TNS1: variants seen among roughly 807,000 people sequenced by gnomAD.
TNS1 encodes tensin-1.
In TNS1, 62 loss-of-function variants were observed where a neutral mutation model predicts 168.6. The observed-to-expected ratio is 0.37, with a 90% CI of 0.30 to 0.45. TNS1 has a LOEUF of 0.45. Among genes scored for constraint, TNS1 ranks in the 20% least tolerant of loss-of-function variants. The pLI is 1.00. For missense variants in TNS1, 2,240 were observed against 2,339.4 expected, an observed-to-expected ratio of 0.96 and a Z score of 0.88; for synonymous variants, 934 against 933.2, an observed-to-expected ratio of 1.00 and a Z score of -0.02.
chr2:217,853,730 C>T (rs185103265), intron 18 of TNS1, among the ~76,000 whole-genome samples: 145 of 152,306 alleles, frequency 9.5e-4, no homozygotes, highest in African/African-American at 3.0e-3. Flanking sequence ...GATTGCACCA[C>T]GGGGCCTTTA....
chr2:217,938,355 A>G (rs1405989347), intron 3 of TNS1, among the ~76,000 whole-genome samples: 1 of 152,210 alleles, frequency 6.6e-6, no homozygotes, highest in South Asian at 2.1e-4. Context: ...AGGAGACCCC[A>G]GAGAGGGCAG....
At chr2:217,849,213 C>T in intron 18 of TNS1, 126 bp from the exon 19 acceptor site, 1 of 1,175,062 alleles carries the variant, frequency 8.5e-7, no homozygotes, top group South Asian at 1.5e-5. Flanking sequence ...AACCTCCTCT[C>T]ACCACCCTGA....
rs1951221208 is a variant in TNS1, at chr2:217,886,565, C to G, written c.948G>C (p.Met316Ile). The G allele has an allele frequency of 6.2e-7, 1 of 1,604,762 alleles. No individual in the cohort carries two copies. The highest frequency in any genetic ancestry group is 1.3e-5 in the African/African-American group (1 of 74,848). The stretch of plus-strand genomic sequence containing the variant: ...TAGACTCAAAGTTGGGGATGCCGTG[C>G]ATGATCACGTGGTGCAGAAACAAGG... ...NKPLFLHHVI[M>I]HGIPNFESKG... Residue 316 changes from methionine (M) to isoleucine (I), a missense_variant, in exon 13 of 33, where the codon ATG becomes ATC. Physicochemically the swap from Met to Ile is conservative, Grantham distance 10. Around this residue, in one of 2 missense-constraint regions of TNS1, gnomAD observed 2,131 missense variants for 2,171.2 expected, o/e 0.98. Coordinates refer to ENST00000682258, the MANE Select transcript of TNS1 (RefSeq NM_001387777.1).
intron 18 of TNS1, among the ~76,000 whole-genome samples, chr2:217,869,194 G>A (rs1949549207): frequency 6.6e-6 from 1 of 152,218 alleles, no homozygotes; most frequent in Non-Finnish European, 1.5e-5. Flanking sequence ...AAGACAGGGT[G>A]CCAGGTAGCA....
chr2:217,897,987 A>G lies in TNS1; in HGVS notation c.372-18T>C. Reference sequence around the variant, plus strand: ...TCATGTTTCTAGGGAGACAGCAGGCAGCGGAGGGTCCATATCAGAATCCAG... The same window carrying G: ...TCATGTTTCTAGGGAGACAGCAGGCGGCGGAGGGTCCATATCAGAATCCAG... On this transcript the variant is annotated intron_variant, in intron 7 of 32. Transcript: ENST00000682258. 1 of 1,592,850 alleles carries G rather than the reference A, an allele frequency of 6.3e-7. No individual in the cohort carries two copies.
chr2:217,919,376 C>A (rs1030881210), intron 4 of TNS1, among the ~76,000 whole-genome samples: 4 of 152,236 alleles, frequency 2.6e-5, no homozygotes, highest in African/African-American at 9.6e-5. Flanking sequence ...CAGGCAACTC[C>A]ACAGCCTGAT....
At chr2:217,934,097 A>C (rs1269289899) in intron 3 of TNS1, among the ~76,000 whole-genome samples, 3 of 152,198 alleles carry the variant, frequency 2.0e-5, no homozygotes, top group Non-Finnish European at 4.4e-5. Flanking sequence ...ACAGCGGAGA[A>C]ATGTGTTGGC....
At chr2:217,927,780 G>A (rs996894477) in intron 3 of TNS1, among the ~76,000 whole-genome samples, 47 of 152,156 alleles carry the variant, frequency 3.1e-4, no homozygotes, top group African/African-American at 1.1e-3. Context: ...GAGCAGACCT[G>A]GCATGCCCAC....
At chr2:217,885,273 A>G (rs1477432086) in intron 15 of TNS1, 109 bp from the exon 16 acceptor site, 4 of 1,465,428 alleles carry the variant, frequency 2.7e-6, no homozygotes, top group Non-Finnish European at 3.7e-6. Flanking sequence ...CTCACCCCAA[A>G]CCCGGTGAGG....
At chr2:217,990,614 A>C (rs542601858) in intron 2 of TNS1, among the ~76,000 whole-genome samples, 1 of 152,318 alleles carries the variant, frequency 6.6e-6, no homozygotes, top group East Asian at 1.9e-4. Context: ...GCCACCACAT[A>C]CTAATCATGC....
intron 4 of TNS1, among the ~76,000 whole-genome samples, chr2:217,908,929 G>A (rs1279873063): frequency 6.6e-6 from 1 of 152,030 alleles, no homozygotes; most frequent in Non-Finnish European, 1.5e-5. Flanking sequence ...GAATAATGAT[G>A]GCACGTTCTG....
chr2:217,885,046 T>A lies in TNS1; in HGVS notation c.1235A>T (p.Asp412Val). 1 of 1,614,198 alleles carries A rather than the reference T, an allele frequency of 6.2e-7. No individual in the cohort carries two copies. Among genetic ancestry groups the A allele is most frequent in the Non-Finnish European group, 8.5e-7 (1 of 1,180,026 alleles). The part of the protein sequence containing the change: ...GVVFGKEDLD[D>V]AFKDDRFPEY... The stretch of plus-strand genomic sequence containing the variant: ...CTCAAGGAGCGCACCTTTGAAAGCA[T>A]CATCAAGGTCCTCCTTCCCAAAGAC... Residue 412 changes from aspartate (D) to valine (V), a missense_variant, in exon 16 of 33, where the codon GAT (aspartate) becomes GTT (valine). This residue lies in a region of TNS1 where 2,131 missense variants were observed against 2,171.2 expected (regional missense o/e 0.98). Coordinates refer to ENST00000682258, the MANE Select transcript of TNS1 (RefSeq NM_001387777.1).
In TNS1 at chr2:217,971,510, G is replaced by A. The variant is rs571208484; in HGVS notation, c.186+7255C>T. 3.3e-5 allele frequency among the ~76,000 whole-genome samples: 5 copies of A among 152,234 alleles called. No individual in the cohort carries two copies. In the East Asian group the frequency reaches 9.6e-4, roughly 29 times the overall value. On this transcript the variant is annotated intron_variant, in intron 3 of 32. Coordinates refer to ENST00000682258, the MANE Select transcript of TNS1 (RefSeq NM_001387777.1). ...AGGTTCGTTCCAGTTTGGGGCTATT[G>A]GAAATAAAGCTGCTATGAATATTTG...
At chr2:217,870,697 T>C (rs1177618539) in intron 18 of TNS1, among the ~76,000 whole-genome samples, 1 of 152,198 alleles carries the variant, frequency 6.6e-6, no homozygotes, top group African/African-American at 2.4e-5. Context: ...CTGCACCCGA[T>C]GGCAGAGATT....
intron 3 of TNS1, among the ~76,000 whole-genome samples, chr2:217,938,855 C>T (rs2125930339): frequency 6.6e-6 from 1 of 152,302 alleles, no homozygotes; most frequent in African/African-American, 2.4e-5. Flanking sequence ...CGCTCAGCTC[C>T]CTGTCTGCCC....
chr2:217,884,399 T>A (rs1222258405), intron 16 of TNS1, among the ~76,000 whole-genome samples: 1 of 152,044 alleles, frequency 6.6e-6, no homozygotes, highest in Non-Finnish European at 1.5e-5. Context: ...AAATGTGTAT[T>A]TATATGTCCC....
chr2:217,863,094 G>A (rs900163250), intron 18 of TNS1, among the ~76,000 whole-genome samples: 1 of 152,096 alleles, frequency 6.6e-6, no homozygotes, highest in Non-Finnish European at 1.5e-5. Flanking sequence ...CTTTTCATTC[G>A]TAGGTATAAA....
intron 22 of TNS1, among the ~76,000 whole-genome samples, chr2:217,824,284 A>G (rs1444454069): frequency 6.6e-6 from 1 of 152,188 alleles, no homozygotes; most frequent in Non-Finnish European, 1.5e-5. Context: ...CACATGGATA[A>G]TTAGTGGCAG....
chr2:217,840,006 A>C (rs879412697), intron 19 of TNS1, among the ~76,000 whole-genome samples: 9 of 151,420 alleles, frequency 5.9e-5, no homozygotes, highest in Non-Finnish European at 1.2e-4. Flanking sequence ...TGAACACTAC[A>C]CTCCCCACCA....
Sources: gnomAD v4.1 joint callset for allele counts (sites outside exome capture counted in the v4.1 genomes callset) on GRCh38, gnomAD v4.1.1 for gene constraint, gnomAD v4.1.1 regional missense constraint, MANE v1.5 for transcripts, NCBI Gene and HGNC (gene_info 2026-07-23, HGNC 2026-07-21) for gene names.